The following RANBP3 variants were observed in gnomAD, a reference collection of about 807,000 sequenced individuals.
The protein encoded by RANBP3 is ran-binding protein 3.
A neutral mutation model predicts 77.3 loss-of-function variants in RANBP3; 14 were observed. The ratio of observed to expected loss-of-function variants is 0.18; its 90% confidence interval spans 0.12 to 0.28. The LOEUF is 0.28. RANBP3 is among the 10% of genes least tolerant of loss of function. The pLI, the probability that RANBP3 is intolerant of heterozygous loss-of-function variation, is 1.00. For missense variants in RANBP3, 586 were observed against 752.3 expected (o/e 0.78, Z 2.59); for synonymous variants, 315 against 312.4 (o/e 1.01, Z -0.09).
intron 1 of RANBP3, among the ~76,000 whole-genome samples, chr19:5,964,858 G>GGGGT (rs2058446672): frequency 7.8e-6 from 1 of 127,668 alleles, no homozygotes; most frequent in Non-Finnish European, 1.7e-5. Context: ...AGGGTGGGGG[G>GGGGT]GGGGGTGGCA....
At chr19:5,942,481 C>G (rs532393767) in intron 3 of RANBP3, among the ~76,000 whole-genome samples, 2 of 152,200 alleles carry the variant, frequency 1.3e-5, no homozygotes, top group African/African-American at 2.4e-5. Context: ...CAACCAGCAA[C>G]CAAGACTTAA....
At chr19:5,965,660 A>T (rs1021948216) in intron 1 of RANBP3, 1 of 152,272 alleles carries the variant, frequency 6.6e-6, no homozygotes, top group African/African-American at 2.4e-5. Flanking sequence ...GCTGAACCCC[A>T]GCGGTGGCCC....
chr19:5,918,386 A>AGGGGGGG, intron 15 of RANBP3, 110 bp downstream of exon 15: 2 of 617,696 alleles, frequency 3.2e-6, no homozygotes, highest in Non-Finnish European at 5.0e-6. Context: ...GAAGCAACTG[A>AGGGGGGG]AGCCCCTCCC....
rs2145191534 is a variant in RANBP3, at chr19:5,952,924, ATG to A, written c.79-1330_79-1329del. 6.6e-6 allele frequency among the ~76,000 whole-genome samples: 1 copy of A among 152,292 alleles called. No individual in the cohort carries two copies. The highest frequency in any genetic ancestry group is 1.9e-4 in the East Asian group (1 of 5,158). ...AGCCACCCATGTCTGTTGCTACTTG[ATG>A]GTGAGAGACTTAACACCTCACAAGA... On this transcript the variant is annotated intron_variant, in intron 2 of 16. Transcript: ENST00000340578. The surrounding 1 kb of genome is among the most constrained non-coding windows in gnomAD (Gnocchi z 4.1).
At chr19:5,922,889 G>A (rs1046919851) in intron 13 of RANBP3, among the ~76,000 whole-genome samples, 3 of 152,208 alleles carry the variant, frequency 2.0e-5, no homozygotes, top group African/African-American at 4.8e-5. Flanking sequence ...GCAGTGAGCC[G>A]AGACTGTGCC....
chr19:5,923,395 T>C, intron 12 of RANBP3, 92 bp from the exon 13 acceptor site: 1 of 1,333,812 alleles, frequency 7.5e-7, no homozygotes, highest in Admixed American at 1.8e-5. Context: ...GGGTTGGTTC[T>C]GGTCTCAAGG....
At chr19:5,961,569 C>G (rs1324436046) in intron 1 of RANBP3, among the ~76,000 whole-genome samples, 1 of 152,084 alleles carries the variant, frequency 6.6e-6, no homozygotes, top group Non-Finnish European at 1.5e-5. Flanking sequence ...CCCTTCTCTA[C>G]TAAAAATACA....
chr19:5,928,717 G>A (rs998107398), intron 8 of RANBP3, among the ~76,000 whole-genome samples: 5 of 151,992 alleles, frequency 3.3e-5, no homozygotes, highest in African/African-American at 1.2e-4. Context: ...GCTCCTGCTT[G>A]TTACTTTCTA....
chr19:5,951,462 G>A lies in RANBP3; in HGVS notation c.213C>T (p.Ala71=), dbSNP rs1179433949. The change falls in exon 3 of 17, where the codon GCC becomes GCT. Residue 71 remains alanine (A), a synonymous_variant. Coordinates refer to ENST00000340578, the MANE Select transcript of RANBP3 (RefSeq NM_007322.3). ...CGGGAGGCGGAGGAGTGCTGGCTGA[G>A]GCGCCAGCAGGGGCAGGAGGTTCTA... ...HALEPPAPAG[A]SASTPPPPAP... 2 of 1,605,918 alleles carry A rather than the reference G, an allele frequency of 1.2e-6. No homozygotes were observed. The highest frequency in any genetic ancestry group is 1.3e-5 in the African/African-American group (1 of 74,862).
intron 6 of RANBP3, 165 bp from the exon 7 acceptor site, chr19:5,932,709 G>T: frequency 1.7e-6 from 1 of 594,232 alleles, no homozygotes; most frequent in South Asian, 2.0e-5. Context: ...CTGGCCAGGA[G>T]ATCTGGCTAC....
rs565463167 is a variant in RANBP3, at chr19:5,921,057, C to T, written c.1330+144G>A. On this transcript the variant is annotated intron_variant, in intron 14 of 16. Transcript: ENST00000340578. This position sits in a 1 kb window ranked among gnomAD's most constrained non-coding sequence, Gnocchi z 5.3. ...GGGTGCAGGGAGGGGGTTTGGGGGG[C>T]GGCTCTCATGGGAGACCGACTCTGT... is the stretch of plus-strand genomic sequence containing the variant. 3.2e-4 allele frequency: 328 copies of T among 1,030,738 alleles called. 5 individuals carry two copies. The South Asian group carries it at 5.7e-3, about 18-fold the overall frequency. The allele number at this position is 1,030,738 out of a possible 1,614,324, so 63.8% of individuals were successfully genotyped here.
chr19:5,954,216 C>T (rs538259290), intron 2 of RANBP3, among the ~76,000 whole-genome samples: 5 of 152,202 alleles, frequency 3.3e-5, no homozygotes, highest in African/African-American at 1.2e-4. Context: ...TTACTTGCAC[C>T]CCATCGGGTG....
chr19:5,948,742 C>T (rs1411556278), intron 3 of RANBP3, among the ~76,000 whole-genome samples: 2 of 152,128 alleles, frequency 1.3e-5, no homozygotes, highest in Non-Finnish European at 2.9e-5. Flanking sequence ...TGGGGGGAAG[C>T]TGTCTGGCCA....
intron 5 of RANBP3, chr19:5,935,709 C>G: frequency 2.2e-6 from 1 of 456,728 alleles, no homozygotes; most frequent in South Asian, 1.5e-5. Context: ...AGGCCCAGAG[C>G]GTGGCCCTCT....
Position 5,952,643 on chromosome 19 carries a change from T to C in RANBP3, c.79-1047A>G, listed in dbSNP as rs1304613129. Among the ~76,000 whole-genome samples, 1 of 152,222 alleles carries C rather than the reference T, an allele frequency of 6.6e-6. No homozygotes were observed. Among genetic ancestry groups the C allele is most frequent in the East Asian group, 1.9e-4 (1 of 5,190 alleles). ...CTCCCCGTGGACGTGGCTGTGCTTCTTCTTGGGTGTGAAGTGGCTGACCTC... is the reference window on the plus strand; with the variant it reads ...CTCCCCGTGGACGTGGCTGTGCTTCCTCTTGGGTGTGAAGTGGCTGACCTC... On this transcript the variant is annotated intron_variant, in intron 2 of 16. Coordinates refer to ENST00000340578, the MANE Select transcript of RANBP3 (RefSeq NM_007322.3). This position sits in a 1 kb window ranked among gnomAD's most constrained non-coding sequence, Gnocchi z 4.1.
At chr19:5,962,866 T>A (rs992935678) in intron 1 of RANBP3, among the ~76,000 whole-genome samples, 8 of 150,856 alleles carry the variant, frequency 5.3e-5, no homozygotes, top group African/African-American at 1.5e-4. Flanking sequence ...GACACACGGG[T>A]TGCTGTTCGT....
intron 9 of RANBP3, 89 bp downstream of exon 9, chr19:5,927,879 C>A: frequency 6.6e-7 from 1 of 1,504,204 alleles, no homozygotes. Flanking sequence ...GCTCCCCTCC[C>A]CTGTTAAAAG....
chr19:5,978,013 C>T, intron 1 of RANBP3, 48 bp downstream of exon 1: 1 of 1,606,140 alleles, frequency 6.2e-7, no homozygotes, highest in South Asian at 1.1e-5. Flanking sequence ...AGTCCTCCCG[C>T]CGCCCGTTCC....
intron 1 of RANBP3, among the ~76,000 whole-genome samples, chr19:5,977,316 G>A (rs2058604324): frequency 6.6e-6 from 1 of 152,136 alleles, no homozygotes; most frequent in Admixed American, 6.5e-5. Context: ...GGATCTGGAA[G>A]TGTAACCTTG....
Sources: allele counts gnomAD v4.1 joint callset (sites outside exome capture counted in the v4.1 genomes callset), GRCh38; gene constraint gnomAD v4.1.1; non-coding constraint Gnocchi (gnomAD v3.1); transcripts MANE v1.5; gene names NCBI Gene and HGNC (gene_info 2026-07-23, HGNC 2026-07-21).